Variants in STK17B observed in about 807,000 individuals in gnomAD.
The protein encoded by STK17B is serine/threonine kinase 17b, also known as serine/threonine-protein kinase 17B.
A neutral mutation model predicts 42.0 loss-of-function variants in STK17B; 21 were observed. That is an observed-to-expected ratio of 0.50 (90% confidence interval 0.35 to 0.72). The LOEUF is 0.72. STK17B is among the 30% of genes least tolerant of loss of function. STK17B has a pLI of 0.00. For missense variants in STK17B, 349 were observed against 446.0 expected (o/e 0.78, Z 1.96); for synonymous variants, 143 against 148.4 (o/e 0.96, Z 0.26).
chr2:196,173,149 A>T (rs1559418976), upstream of STK17B, among the ~76,000 whole-genome samples: 1 of 152,162 alleles, frequency 6.6e-6, no homozygotes. Context: ...TCTCTCTGGC[A>T]CCACTGTAAG....
At chr2:196,159,875 G>A (rs1231515141) in intron 2 of STK17B, among the ~76,000 whole-genome samples, 1 of 146,194 alleles carries the variant, frequency 6.8e-6, no homozygotes, top group Admixed American at 6.7e-5. Context: ...TCTGTATCCT[G>A]TACTTAAAGT....
At chr2:196,176,478 C>T (rs141357658), upstream of STK17B, 21 of 152,308 alleles carry the variant, frequency 1.4e-4, no homozygotes, top group East Asian at 3.5e-3. Context: ...AGTTCTACCT[C>T]GTGAGAAGCT....
chr2:196,152,263 C>G (rs898564624), intron 3 of STK17B, among the ~76,000 whole-genome samples: 1 of 152,148 alleles, frequency 6.6e-6, no homozygotes, highest in African/African-American at 2.4e-5. Context: ...TGCGCCAACA[C>G]GCCCGGCTAA....
At chr2:196,163,597 T>C (rs112072693) in intron 1 of STK17B, among the ~76,000 whole-genome samples, 170 bp from the exon 2 acceptor site, 10 of 151,930 alleles carry the variant, frequency 6.6e-5, no homozygotes, top group African/African-American at 2.2e-4. Context: ...TAAACCATAA[T>C]AACACTATGG....
intron 3 of STK17B, among the ~76,000 whole-genome samples, chr2:196,146,971 G>C (rs552191298): frequency 1.3e-5 from 2 of 152,242 alleles, no homozygotes; most frequent in Non-Finnish European, 2.9e-5. Flanking sequence ...AAAAGGCACA[G>C]TGAAAAATTC....
At position 196,137,220 on chromosome 2, in the gene STK17B, CTTT is replaced by C. The variant is rs1440142356; in HGVS notation, c.*224_*226del. Reference sequence around the variant, plus strand: ...ATGTAAACTCACATGTACAATTTTACTTTTTGTCATATATTTAAATATTTTCTT... The same window carrying C: ...ATGTAAACTCACATGTACAATTTTACTTGTCATATATTTAAATATTTTCTT... On this transcript the variant is annotated 3_prime_UTR_variant, in exon 8 of 8. Coordinates refer to ENST00000263955, the MANE Select transcript of STK17B (RefSeq NM_004226.4). 1 of 462,314 alleles carries C rather than the reference CTTT, an allele frequency of 2.2e-6. No homozygotes were observed. The highest frequency in any genetic ancestry group is 2.0e-5 in the African/African-American group (1 of 49,742). 28.6% of individuals were successfully genotyped at this position (462,314 alleles called of 1,614,324 possible).
intron 1 of STK17B, among the ~76,000 whole-genome samples, chr2:196,168,948 G>T (rs2105716957): frequency 6.6e-6 from 1 of 152,276 alleles, no homozygotes; most frequent in South Asian, 2.1e-4. Context: ...AAGTGGAAAG[G>T]TAGTAGATAA....
At chr2:196,144,901 A>G (rs1699549432) in intron 4 of STK17B, among the ~76,000 whole-genome samples, 1 of 151,948 alleles carries the variant, frequency 6.6e-6, no homozygotes, top group Non-Finnish European at 1.5e-5. Flanking sequence ...ATTACAGGAG[A>G]AAAGGTAAAG....
At chr2:196,161,511 CTTTTTTTTTTTT>C (rs71009086) in intron 2 of STK17B, among the ~76,000 whole-genome samples, 2 of 69,522 alleles carry the variant, frequency 2.9e-5, no homozygotes, top group African/African-American at 1.2e-4. Flanking sequence ...TATTATAATT[CTTTTTTTTTTTT>C]TTTTTTTTTT....
At chr2:196,144,961 C>G (rs1195294866) in intron 4 of STK17B, among the ~76,000 whole-genome samples, 1 of 151,952 alleles carries the variant, frequency 6.6e-6, no homozygotes, top group African/African-American at 2.4e-5. Flanking sequence ...CATCCCACTT[C>G]AAGGGCTATG....
At chr2:196,139,323 AT>A (rs1244397401) in intron 7 of STK17B, among the ~76,000 whole-genome samples, 1 of 152,220 alleles carries the variant, frequency 6.6e-6, no homozygotes, top group African/African-American at 2.4e-5. Flanking sequence ...AGCCATGTGT[AT>A]TGTAAATTTC....
chr2:196,173,553 G>A (rs111506978), upstream of STK17B, among the ~76,000 whole-genome samples: 85 of 152,326 alleles, frequency 5.6e-4, no homozygotes, highest in African/African-American at 1.9e-3. Context: ...GGAATTCCTG[G>A]TGCTGAGGAG....
rs71009076 is a variant in STK17B at position 196,135,881 on chromosome 2, CTATAGA to C, written c.*1560_*1565del. ...TGTCTAAAGAATGTATTGTATCTATCTATAGATATATACATACACCTGTACATACAC... is the reference window on the plus strand; with the variant it reads ...TGTCTAAAGAATGTATTGTATCTATCTATATACATACACCTGTACATACAC... On this transcript the variant is annotated 3_prime_UTR_variant, in exon 8 of 8. Coordinates refer to ENST00000263955, the MANE Select transcript of STK17B (RefSeq NM_004226.4). 0.48 allele frequency: 72,819 copies of C among 150,460 alleles called. 20,112 individuals are homozygous for C. The highest frequency in any genetic ancestry group is 0.63 in the South Asian group (3,027 of 4,776). The allele number at this position is 150,460 out of a possible 1,614,324, so 9.3% of individuals were successfully genotyped here.
At chr2:196,140,035 A>G (rs563046020) in intron 6 of STK17B, among the ~76,000 whole-genome samples, 2 of 152,368 alleles carry the variant, frequency 1.3e-5, no homozygotes, top group Admixed American at 6.5e-5. Context: ...TATTCAATAT[A>G]TATTATTGCT....
At chr2:196,145,718 C>G (rs779569315) in intron 4 of STK17B, among the ~76,000 whole-genome samples, 193 bp downstream of exon 4, 3 of 152,176 alleles carry the variant, frequency 2.0e-5, no homozygotes, top group Non-Finnish European at 4.4e-5. Context: ...GAGCTGCTTA[C>G]ACATGCACTC....
At chr2:196,169,904 T>TCTAAAATG (rs1332847112) in intron 1 of STK17B, among the ~76,000 whole-genome samples, 1 of 151,634 alleles carries the variant, frequency 6.6e-6, no homozygotes, top group Non-Finnish European at 1.5e-5. Context: ...AAAAAAAAGA[T>TCTAAAATG]CTAAAATGTA....
At chr2:196,149,969 T>C (rs533679106) in intron 3 of STK17B, among the ~76,000 whole-genome samples, 1 of 152,106 alleles carries the variant, frequency 6.6e-6, no homozygotes, top group South Asian at 2.1e-4. Context: ...ATGTATTTCG[T>C]AGGACTGCCA....
chr2:196,143,555 C>A lies in STK17B; in HGVS notation c.607+5G>T. On this transcript the variant is annotated splice_donor_5th_base_variant and intron_variant, in intron 5 of 7. Transcript: ENST00000263955. ...ATGGTATAGAAAATAAAAGGAAATT[C>A]TTACCTAAATATTCTGGTGTTCCCA... 6.3e-7 allele frequency: 1 copy of A among 1,587,942 alleles called. No individual in the cohort carries two copies. The highest frequency in any genetic ancestry group is 2.3e-5 in the East Asian group (1 of 44,332).
At chr2:196,154,315 G>A (rs1699710509) in intron 3 of STK17B, 1 of 152,042 alleles carries the variant, frequency 6.6e-6, no homozygotes, top group Non-Finnish European at 1.5e-5. Context: ...AATTAAAAAG[G>A]GAAAATGTTC....
Sources: gnomAD v4.1 joint callset for allele counts (sites outside exome capture counted in the v4.1 genomes callset) on GRCh38, gnomAD v4.1.1 for gene constraint, MANE v1.5 for transcripts, NCBI Gene and HGNC (gene_info 2026-07-23, HGNC 2026-07-21) for gene names.